Variants in OSBPL9 observed in about 807,000 individuals in gnomAD.
OSBPL9 encodes the protein oxysterol binding protein like 9, also known as oxysterol-binding protein-related protein 9.
A neutral mutation model predicts 106.6 loss-of-function variants in OSBPL9; 40 were observed. The ratio of observed to expected loss-of-function variants is 0.38; its 90% CI spans 0.29 to 0.49. The LOEUF (loss-of-function observed/expected upper bound fraction) is 0.49, where lower values mean the gene tolerates loss of function less well. Ranked by LOEUF, OSBPL9 falls within the 20% of genes least tolerant of loss-of-function variation. OSBPL9 has a pLI of 0.97. For missense variants in OSBPL9, 609 were observed against 887.2 expected (o/e 0.69, Z 3.98); for synonymous variants, 269 against 295.4 (o/e 0.91, Z 0.92).
At chr1:51,765,046 T>A (rs1672284664) in intron 11 of OSBPL9, among the ~76,000 whole-genome samples, 1 of 152,210 alleles carries the variant, frequency 6.6e-6, no homozygotes, top group Non-Finnish European at 1.5e-5. Flanking sequence ...GTTAAATTGA[T>A]CTTAATACTC....
intron 12 of OSBPL9, among the ~76,000 whole-genome samples, chr1:51,771,040 G>A (rs1673759455): frequency 6.6e-6 from 1 of 152,124 alleles, no homozygotes; most frequent in Non-Finnish European, 1.5e-5. Context: ...TTGATCATGA[G>A]GGAGGTTTGC....
chr1:51,597,943 AC>A (rs1645311061), intron 1 of OSBPL9, among the ~76,000 whole-genome samples: 1 of 152,214 alleles, frequency 6.6e-6, no homozygotes, highest in African/African-American at 2.4e-5. Context: ...CCAGTTAGGG[AC>A]ATGGACCTTT....
At chr1:51,608,470 T>TA (rs199854444) in intron 2 of OSBPL9, among the ~76,000 whole-genome samples, 1,858 of 151,660 alleles carry the variant, frequency 0.012, 41 homozygotes, top group African/African-American at 0.044. Context: ...TTTTTTTTTT[T>TA]TTTATTTTTA....
chr1:51,646,233 G>A (rs1646144455), intron 1 of OSBPL9, among the ~76,000 whole-genome samples: 1 of 152,154 alleles, frequency 6.6e-6, no homozygotes, highest in South Asian at 2.1e-4. Flanking sequence ...ACAACATTAA[G>A]TCTTTCAATC....
chr1:51,781,369 A>T lies in OSBPL9; in HGVS notation c.1428+34A>T, dbSNP rs187066897. On this transcript the variant is annotated intron_variant, in intron 16 of 23. Transcript: ENST00000428468. ...TGCATTGACATTTTTAAATTATCTT[A>T]ATTGTATACTGATTCAAGATTTTAT... 6.3e-6 allele frequency: 10 copies of T among 1,580,482 alleles called. No individual in the cohort carries two copies. The Admixed American group carries it at 1.5e-4, about 24-fold the overall frequency.
chr1:51,786,325 T>G, intron 21 of OSBPL9: 1 of 517,880 alleles, frequency 1.9e-6, no homozygotes, highest in Non-Finnish European at 3.4e-6. Flanking sequence ...AGATAGACCT[T>G]TCCTTCAAAG....
intron 1 of OSBPL9, among the ~76,000 whole-genome samples, chr1:51,643,717 T>G (rs756425088): frequency 3.3e-5 from 5 of 152,058 alleles, no homozygotes; most frequent in Non-Finnish European, 7.4e-5. Context: ...AGATTCATGT[T>G]TTGAAAAGAC....
At chr1:51,575,851 A>G (rs1283782078), upstream of OSBPL9, among the ~76,000 whole-genome samples, 1 of 152,234 alleles carries the variant, frequency 6.6e-6, no homozygotes, top group African/African-American at 2.4e-5. Context: ...AAAGGAAAGT[A>G]ACATTTTTAT....
intron 2 of OSBPL9, among the ~76,000 whole-genome samples, chr1:51,607,164 CTTT>C (rs1320905927): frequency 1.5e-5 from 2 of 136,370 alleles, no homozygotes; most frequent in Non-Finnish European, 1.6e-5. Flanking sequence ...TTTTCTTTTT[CTTT>C]TTTTTTTTTT....
intron 1 of OSBPL9, among the ~76,000 whole-genome samples, chr1:51,587,108 G>C (rs537498973): frequency 6.6e-6 from 1 of 152,204 alleles, no homozygotes; most frequent in Non-Finnish European, 1.5e-5. Context: ...CCTCATGCCT[G>C]TAATCCCAGC....
chr1:51,572,368 G>A (rs1056674989), upstream of OSBPL9, among the ~76,000 whole-genome samples: 4 of 152,050 alleles, frequency 2.6e-5, no homozygotes, highest in African/African-American at 9.7e-5. Context: ...AGCATGGCAG[G>A]CAATGGTTAT....
At chr1:51,538,282 A>G in the OSBPL9 span, among the ~76,000 whole-genome samples, 2 of 152,082 alleles carry the variant, frequency 1.3e-5, no homozygotes, top group Non-Finnish European at 2.9e-5. Flanking sequence ...ACAGAGCACG[A>G]CTCCATCTCA....
chr1:51,687,498 C>G (rs1654053857), intron 3 of OSBPL9, among the ~76,000 whole-genome samples: 1 of 152,092 alleles, frequency 6.6e-6, no homozygotes, highest in Non-Finnish European at 1.5e-5. Flanking sequence ...AAAAGCTTCA[C>G]AGAAGAGATA....
rs111663972 is a variant in OSBPL9, at chr1:51,596,537, C to T, written c.-422-1587C>T. Among the ~76,000 whole-genome samples, 922 of 121,536 alleles carry T rather than the reference C, an allele frequency of 7.6e-3. 10 individuals are homozygous for T. The highest frequency in any genetic ancestry group is 0.028 in the African/African-American group (880 of 31,130). 79.7% of individuals were successfully genotyped at this position (121,536 alleles called of 152,430 possible). A position where few individuals can be genotyped will look rare whatever the true frequency, so the allele number is the denominator to read the frequency against. ...GCACGCCACTGCACTCCAGCCTAGG[C>T]GAGAAGAGTGAAACTCTTGTCGCAA... On this transcript the variant is annotated intron_variant, in intron 1 of 25. Transcript: ENST00000371714.
intron 1 of OSBPL9, among the ~76,000 whole-genome samples, chr1:51,650,730 C>T (rs995960336): frequency 7.9e-5 from 12 of 152,106 alleles, no homozygotes; most frequent in African/African-American, 2.7e-4. Context: ...CTTTCTCACA[C>T]AGGTGGAGTA....
At chr1:51,542,019 C>A in the OSBPL9 span, among the ~76,000 whole-genome samples, 1 of 152,120 alleles carries the variant, frequency 6.6e-6, no homozygotes, top group Non-Finnish European at 1.5e-5. Flanking sequence ...TCTTGTGTAT[C>A]TAGGACTACA....
In OSBPL9 at chr1:51,772,798, A is replaced by T. The variant is rs937242822; in HGVS notation, c.1170+75A>T. 9 of 960,522 alleles carry T rather than the reference A, an allele frequency of 9.4e-6. No homozygotes were observed. The African/African-American group carries it at 1.4e-4, about 15-fold the overall frequency. 59.5% of individuals were successfully genotyped at this position (960,522 alleles called of 1,614,324 possible). A position where few individuals can be genotyped will look rare whatever the true frequency, so the allele number is the denominator to read the frequency against. ...TGATTGCGTGGTGAGTGTGCCTGCAAATGTAGTAAAATGACATAATTTCTT... is the reference window on the plus strand; with the variant it reads ...TGATTGCGTGGTGAGTGTGCCTGCATATGTAGTAAAATGACATAATTTCTT... On this transcript the variant is annotated intron_variant, in intron 14 of 23. Coordinates refer to ENST00000428468, the MANE Select transcript of OSBPL9 (RefSeq NM_024586.6).
chr1:51,710,148 T>C (rs1156553727), intron 3 of OSBPL9, among the ~76,000 whole-genome samples: 2 of 152,166 alleles, frequency 1.3e-5, no homozygotes, highest in African/African-American at 2.4e-5. Context: ...TATTGATTAC[T>C]GGGGGTGGGA....
chr1:51,527,338 G>A, the OSBPL9 span, among the ~76,000 whole-genome samples: 1 of 147,594 alleles, frequency 6.8e-6, no homozygotes, highest in African/African-American at 2.6e-5. Flanking sequence ...TGGTGATGAT[G>A]ATGATGATGA....
Sources: allele counts gnomAD v4.1 joint callset (sites outside exome capture counted in the v4.1 genomes callset), GRCh38; gene constraint gnomAD v4.1.1; transcripts MANE v1.5; gene names NCBI Gene and HGNC (gene_info 2026-07-23, HGNC 2026-07-21).